Variants in MTUS2 observed in about 807,000 individuals in gnomAD.
The protein encoded by MTUS2 is microtubule-associated tumor suppressor candidate 2.
MTUS2 carries 40 observed loss-of-function variants against 114.1 expected under a neutral mutation model. The ratio of observed to expected loss-of-function variants is 0.35; its 90% CI spans 0.27 to 0.46. MTUS2 has a LOEUF of 0.46. MTUS2 is among the 20% of genes least tolerant of loss of function. The probability of loss-of-function intolerance (pLI) is 1.00; values close to 1 mark genes in which losing one functional copy is unlikely to be tolerated. For synonymous variants in MTUS2, 688 were observed against 672.0 expected (o/e 1.02, Z -0.37); for missense variants, 1,679 against 1,705.4 (o/e 0.98, Z 0.27).
At chr13:28,864,300 C>G (rs953281450) in intron 2 of MTUS2, among the ~76,000 whole-genome samples, 11 of 152,086 alleles carry the variant, frequency 7.2e-5, no homozygotes, top group Admixed American at 5.9e-4. Flanking sequence ...TATAAGGGTC[C>G]ATGAAAAATA....
At chr13:28,909,353 T>C (rs1880255601) in intron 2 of MTUS2, among the ~76,000 whole-genome samples, 1 of 148,106 alleles carries the variant, frequency 6.8e-6, no homozygotes, top group Non-Finnish European at 1.5e-5. Flanking sequence ...GTTTGTATCC[T>C]CTTTTATTTC....
intron 7 of MTUS2, among the ~76,000 whole-genome samples, chr13:29,350,167 G>T (rs1055159528): frequency 6.6e-6 from 1 of 151,674 alleles, no homozygotes; most frequent in Non-Finnish European, 1.5e-5. Context: ...CTAACTTACA[G>T]TTCTGTATGT....
intron 5 of MTUS2, among the ~76,000 whole-genome samples, chr13:29,213,577 T>C (rs1211934367): frequency 1.3e-5 from 2 of 152,232 alleles, no homozygotes; most frequent in Non-Finnish European, 2.9e-5. Context: ...TTTATCATTA[T>C]GAAATTAACT....
chr13:28,959,889 C>T (rs1199500776), intron 2 of MTUS2, among the ~76,000 whole-genome samples: 1 of 152,230 alleles, frequency 6.6e-6, no homozygotes, highest in Non-Finnish European at 1.5e-5. Context: ...GTGCAGCCCC[C>T]TTCCCCATTT....
At chr13:29,428,868 A>G (rs373524065) in intron 8 of MTUS2, 23 of 1,613,932 alleles carry the variant, frequency 1.4e-5, no homozygotes, top group African/African-American at 5.3e-5. Context: ...TGCAAGCCTT[A>G]TAACTGCCTT....
At chr13:29,498,944 T>G (rs1483248662) in intron 14 of MTUS2, among the ~76,000 whole-genome samples, 1 of 152,112 alleles carries the variant, frequency 6.6e-6, no homozygotes, top group East Asian at 1.9e-4. Flanking sequence ...CACCAGCCGC[T>G]TTACAGATGC....
intron 2 of MTUS2, among the ~76,000 whole-genome samples, chr13:28,907,877 C>T (rs1335293753): frequency 6.6e-6 from 1 of 151,572 alleles, no homozygotes; most frequent in Non-Finnish European, 1.5e-5. Flanking sequence ...TTTCTTTCAG[C>T]ACTTAAAAAA....
intron 3 of MTUS2, among the ~76,000 whole-genome samples, chr13:29,027,899 A>G (rs1405948308): frequency 6.6e-6 from 1 of 152,142 alleles, no homozygotes; most frequent in Admixed American, 6.6e-5. Flanking sequence ...TAAGTCACCC[A>G]CCACAAAGGA....
intron 5 of MTUS2, among the ~76,000 whole-genome samples, chr13:29,205,125 G>A (rs1175483028): frequency 2.0e-5 from 3 of 152,176 alleles, no homozygotes; most frequent in Non-Finnish European, 4.4e-5. Context: ...TGTTCTCTTT[G>A]ATCAGTGTGA....
At chr13:29,059,633 G>T (rs922572813) in intron 4 of MTUS2, among the ~76,000 whole-genome samples, 20 of 152,338 alleles carry the variant, frequency 1.3e-4, no homozygotes, top group Middle Eastern at 3.4e-3. Flanking sequence ...ATAGGAGGCT[G>T]TGCCACTTGG....
intron 5 of MTUS2, among the ~76,000 whole-genome samples, chr13:29,188,581 A>T (rs934154008): frequency 6.6e-6 from 1 of 152,174 alleles, no homozygotes; most frequent in Non-Finnish European, 1.5e-5. Context: ...CCAAAACTCT[A>T]TCCAACATCT....
intron 1 of MTUS2, among the ~76,000 whole-genome samples, chr13:28,832,265 G>A (rs1027737835): frequency 6.6e-6 from 1 of 152,014 alleles, no homozygotes; most frequent in Non-Finnish European, 1.5e-5. Context: ...CTATGTAATA[G>A]GTCACAGAAT....
intron 5 of MTUS2, among the ~76,000 whole-genome samples, chr13:29,131,530 C>T (rs776319400): frequency 4.6e-5 from 7 of 152,254 alleles, no homozygotes; most frequent in Non-Finnish European, 7.3e-5. Flanking sequence ...GCTGCCTTCA[C>T]ATGGCCATGG....
intron 2 of MTUS2, among the ~76,000 whole-genome samples, chr13:28,887,652 T>A (rs1366768373): frequency 6.6e-6 from 1 of 152,134 alleles, no homozygotes; most frequent in Non-Finnish European, 1.5e-5. Context: ...TTCTGGACCT[T>A]GCAGGCATGT....
chr13:29,025,848 G>A lies in MTUS2; in HGVS notation c.1150G>A (p.Val384Ile). ...AGGCAACTGTGAAGAGAAGAGAGGA[G>A]TCAACCCAGGGGAGCAGGATTCTCT... The part of the protein sequence containing the change: ...GRGNCEEKRG[V>I]NPGEQDSLHT... The change falls in exon 3 of 16, where the codon GTC (valine) becomes ATC (isoleucine). Residue 384 changes from valine (V) to isoleucine (I), a missense_variant. Physicochemically the swap from Val to Ile is conservative, Grantham distance 29. Coordinates refer to ENST00000612955, the MANE Select transcript of MTUS2 (RefSeq NM_001033602.4). 2 of 1,613,530 alleles carry A rather than the reference G, an allele frequency of 1.2e-6. No individual in the cohort carries two copies. Among genetic ancestry groups the A allele is most frequent in the Non-Finnish European group, 1.7e-6 (2 of 1,179,688 alleles).
chr13:29,447,623 T>C (rs1878380522), intron 9 of MTUS2, among the ~76,000 whole-genome samples: 1 of 151,498 alleles, frequency 6.6e-6, no homozygotes, highest in South Asian at 2.1e-4. Flanking sequence ...TTTTTTTTTT[T>C]TTTTTAATGC....
intron 9 of MTUS2, among the ~76,000 whole-genome samples, chr13:29,448,753 CTTTT>C (rs71090255): frequency 2.6e-5 from 3 of 115,612 alleles, no homozygotes; most frequent in African/African-American, 6.9e-5. Context: ...ACAGAGTGCT[CTTTT>C]TTTTTTTTTT....
At chr13:28,953,939 G>A (rs1482079558) in intron 2 of MTUS2, among the ~76,000 whole-genome samples, 1 of 152,180 alleles carries the variant, frequency 6.6e-6, no homozygotes, top group Non-Finnish European at 1.5e-5. Context: ...CTTGTCAGAT[G>A]TTAAAACATA....
At chr13:29,130,394 C>T (rs947214528) in intron 5 of MTUS2, among the ~76,000 whole-genome samples, 10 of 152,080 alleles carry the variant, frequency 6.6e-5, no homozygotes, top group Admixed American at 6.6e-5. Context: ...GCCCAGGCAC[C>T]GGGCTCACCC....
Sources: gnomAD v4.1 joint callset for allele counts (sites outside exome capture counted in the v4.1 genomes callset) on GRCh38, gnomAD v4.1.1 for gene constraint, MANE v1.5 for transcripts, NCBI Gene and HGNC (gene_info 2026-07-23, HGNC 2026-07-21) for gene names.